Variants in BTD observed in about 807,000 individuals in gnomAD.
BTD encodes the protein biocytinase.
Under a neutral mutation model 17.7 loss-of-function variants are expected in BTD, and 13 were observed. The observed-to-expected ratio is 0.74, with a 90% CI of 0.48 to 1.17. BTD has a LOEUF of 1.17. Ranked by LOEUF, BTD falls within the 50% of genes most tolerant of loss-of-function variation. The probability of loss-of-function intolerance (pLI) is 0.00; values close to 1 mark genes in which losing one functional copy is unlikely to be tolerated. For missense variants in BTD, 674 were observed against 650.4 expected, an observed-to-expected ratio of 1.04 and a Z score of -0.39; for synonymous variants, 240 against 245.2, an observed-to-expected ratio of 0.98 and a Z score of 0.20.
intron 3 of BTD, chr3:15,685,198 G>A (rs2067972199): frequency 1.9e-6 from 3 of 1,585,806 alleles, no homozygotes; most frequent in Non-Finnish European, 2.6e-6. Context: ...ACTACACAAT[G>A]ATATGCATTT....
chr3:15,612,978 A>G (rs900809128), intron 1 of BTD, among the ~76,000 whole-genome samples: 7 of 152,220 alleles, frequency 4.6e-5, no homozygotes, highest in African/African-American at 4.8e-5. Flanking sequence ...TGCTTCTTCA[A>G]GGTCAGCCGG....
Position 15,645,041 on chromosome 3 carries a change from C to G in BTD, c.1125C>G (p.His375Gln), listed in dbSNP as rs2065655258. 4.3e-6 allele frequency: 7 copies of G among 1,614,234 alleles called. No homozygotes were observed. ...ACGTGAATGCTCCTCCCACATTTCA[C>G]TCTGAGATGATGTATGACAATTTCA... is the stretch of plus-strand genomic sequence containing the variant. ...KWNVNAPPTF[H>Q]SEMMYDNFTL... is the part of the protein sequence containing the mutation. Residue 375 changes from histidine to glutamine, a missense_variant, in exon 4 of 4, where the codon CAC (histidine) becomes CAG (glutamine). Coordinates refer to ENST00000643237, the MANE Select transcript of BTD (RefSeq NM_001370658.1).
intron 3 of BTD, among the ~76,000 whole-genome samples, chr3:15,699,005 A>G (rs1424994195): frequency 6.6e-6 from 1 of 152,260 alleles, no homozygotes; most frequent in African/African-American, 2.4e-5. Flanking sequence ...ACAAGGCTAC[A>G]GTAACCAAAA....
intron 3 of BTD, among the ~76,000 whole-genome samples, chr3:15,701,749 GTGTTT>G (rs1237451571): frequency 1.3e-5 from 2 of 152,104 alleles, no homozygotes; most frequent in Non-Finnish European, 2.9e-5. Flanking sequence ...AATAAGACTG[GTGTTT>G]TGTTTTGTTT....
intron 4 of BTD, among the ~76,000 whole-genome samples, chr3:15,717,803 T>C (rs1465811399): frequency 1.3e-5 from 2 of 152,192 alleles, no homozygotes; most frequent in Non-Finnish European, 2.9e-5. Context: ...TATACTGCTT[T>C]ATAAACCTGA....
intron 2 of BTD, among the ~76,000 whole-genome samples, chr3:15,640,395 T>C: frequency 6.6e-6 from 1 of 150,672 alleles, no homozygotes; most frequent in East Asian, 1.9e-4. Context: ...TTTTTTTTTT[T>C]TCCTTTTTTT....
At chr3:15,614,783 G>C (rs2064746356) in intron 1 of BTD, among the ~76,000 whole-genome samples, 1 of 151,646 alleles carries the variant, frequency 6.6e-6, no homozygotes, top group Non-Finnish European at 1.5e-5. Flanking sequence ...TTTTTGTAGA[G>C]ATGGGGTTTT....
At chr3:15,721,993 C>T (rs983079706) in exon 5 of BTD, among the ~76,000 whole-genome samples, 1 of 152,164 alleles carries the variant, frequency 6.6e-6, no homozygotes, top group Admixed American at 6.5e-5. Context: ...GATCCACCGG[C>T]CTCGGCCTCC....
chr3:15,707,607 C>T (rs1040940163), intron 3 of BTD, among the ~76,000 whole-genome samples: 25 of 152,260 alleles, frequency 1.6e-4, no homozygotes, highest in African/African-American at 4.3e-4. Flanking sequence ...GATATAGTCA[C>T]GGCTGTAGCC....
At chr3:15,660,978 C>A (rs750331010) in intron 3 of BTD, among the ~76,000 whole-genome samples, 20 of 152,004 alleles carry the variant, frequency 1.3e-4, no homozygotes, top group Non-Finnish European at 2.6e-4. Context: ...TGAATGAGTT[C>A]CTCCAAGCTG....
chr3:15,628,605 C>T (rs900527404), intron 1 of BTD, among the ~76,000 whole-genome samples: 5 of 152,120 alleles, frequency 3.3e-5, no homozygotes, highest in South Asian at 2.1e-4. Context: ...GAGAATTTGA[C>T]GATGGTTTTT....
At chr3:15,718,872 A>G (rs1211415101) in intron 4 of BTD, among the ~76,000 whole-genome samples, 1 of 152,194 alleles carries the variant, frequency 6.6e-6, no homozygotes, top group East Asian at 1.9e-4. Flanking sequence ...AAATAGCCTA[A>G]CTTTCATTAA....
chr3:15,640,476 T>C (rs988505045), intron 2 of BTD, among the ~76,000 whole-genome samples: 14 of 151,948 alleles, frequency 9.2e-5, no homozygotes, highest in Non-Finnish European at 1.9e-4. Flanking sequence ...CCGCAACCTC[T>C]GCCTCCCGGG....
intron 3 of BTD, among the ~76,000 whole-genome samples, chr3:15,702,512 T>G (rs551120839): frequency 1.2e-4 from 18 of 152,178 alleles, no homozygotes; most frequent in Non-Finnish European, 2.5e-4. Context: ...CTAAACAATA[T>G]TCTGTTACAA....
chr3:15,613,534 T>G (rs76033615), intron 1 of BTD, among the ~76,000 whole-genome samples: 1,588 of 151,822 alleles, frequency 0.01, 28 homozygotes, highest in African/African-American at 0.036. Context: ...CTCCTTACCT[T>G]CTCCTCTTCT....
chr3:15,603,528 G>T lies in BTD; in HGVS notation c.-17+1634G>T, dbSNP rs112483959. On this transcript the variant is annotated intron_variant, in intron 1 of 3. Coordinates refer to ENST00000643237, the MANE Select transcript of BTD (RefSeq NM_001370658.1). ...AAAAATTAGGCGGGCATGGTGGCAG[G>T]CGCCTGTAATCCCAGCTACTCAGGA... 2.1e-3 allele frequency among the ~76,000 whole-genome samples: 323 copies of T among 152,196 alleles called. 2 individuals carry two copies. The highest frequency in any genetic ancestry group is 7.3e-3 in the African/African-American group (305 of 41,542).
upstream of BTD, chr3:15,601,640 C>T: frequency 2.6e-6 from 4 of 1,553,934 alleles, no homozygotes; most frequent in East Asian, 2.4e-5. Context: ...GTCCACTTCC[C>T]GGGAGAGGTG....
downstream of BTD, chr3:15,713,609 T>C: frequency 6.2e-7 from 1 of 1,609,692 alleles, no homozygotes; most frequent in Non-Finnish European, 8.5e-7. Flanking sequence ...AAAGGGGTAT[T>C]TCCATTCTTA....
chr3:15,636,928 G>A (rs990917482), intron 2 of BTD, among the ~76,000 whole-genome samples: 2 of 151,926 alleles, frequency 1.3e-5, no homozygotes, highest in Non-Finnish European at 2.9e-5. Context: ...CTGACATACG[G>A]TTTCTCCTTG....
Sources: gnomAD v4.1 joint callset for allele counts (sites outside exome capture counted in the v4.1 genomes callset) on GRCh38, gnomAD v4.1.1 for gene constraint, MANE v1.5 for transcripts, NCBI Gene and HGNC (gene_info 2026-07-23, HGNC 2026-07-21) for gene names.